NUDCD3: variants seen among roughly 807,000 people sequenced by gnomAD.
NUDCD3 encodes NudC domain containing 3.
Under a neutral mutation model 39.7 loss-of-function variants are expected in NUDCD3, and 13 were observed. The ratio of observed to expected loss-of-function variants is 0.33; its 90% CI spans 0.21 to 0.52. The LOEUF (loss-of-function observed/expected upper bound fraction) is 0.52. Among genes scored for constraint, NUDCD3 ranks in the 20% least tolerant of loss-of-function variants. The pLI is 0.96. For synonymous variants in NUDCD3, 175 were observed against 172.4 expected (o/e 1.02, Z -0.12); for missense variants, 453 against 458.1 (o/e 0.99, Z 0.10).
At chr7:44,488,295 A>C (rs1455632289) in intron 1 of NUDCD3, among the ~76,000 whole-genome samples, 1 of 149,820 alleles carries the variant, frequency 6.7e-6, no homozygotes, top group African/African-American at 2.5e-5. Context: ...AGATCATGCC[A>C]CTGCACTCCA....
At position 44,385,840 on chromosome 7, in the gene NUDCD3, G is replaced by T. The variant is rs1015024403; in HGVS notation, c.*171C>A. On this transcript the variant is annotated 3_prime_UTR_variant, in exon 6 of 6. Coordinates refer to ENST00000355451, the MANE Select transcript of NUDCD3 (RefSeq NM_015332.4). ...AGCAGCTGGCCCCGCACCTTCTCTG[G>T]AACAGTCTGGAGATGCAAGGTCAGG... is the stretch of plus-strand genomic sequence containing the variant. 3.4e-6 allele frequency: 2 copies of T among 595,908 alleles called. No homozygotes were observed. Among genetic ancestry groups the T allele is most frequent in the Admixed American group, 5.9e-5 (2 of 34,014 alleles). 36.9% of individuals were successfully genotyped at this position (595,908 alleles called of 1,614,324 possible).
At chr7:44,393,926 A>G (rs1218164941) in intron 4 of NUDCD3, among the ~76,000 whole-genome samples, 1 of 152,164 alleles carries the variant, frequency 6.6e-6, no homozygotes, top group Non-Finnish European at 1.5e-5. Flanking sequence ...TCACCAGTAT[A>G]CACGGGCTTG....
At chr7:44,445,991 C>T (rs1799683987) in intron 2 of NUDCD3, among the ~76,000 whole-genome samples, 1 of 152,366 alleles carries the variant, frequency 6.6e-6, no homozygotes, top group Non-Finnish European at 1.5e-5. Context: ...GGAAACAACA[C>T]TTCCATTGCA....
At chr7:44,483,502 AC>A (rs1408190583) in intron 2 of NUDCD3, among the ~76,000 whole-genome samples, 1 of 152,116 alleles carries the variant, frequency 6.6e-6, no homozygotes, top group Admixed American at 6.5e-5. Flanking sequence ...TCTGCCTTCC[AC>A]CCTATACTCC....
Position 44,490,635 on chromosome 7 carries a change from A to G in NUDCD3, c.-35T>C. On this transcript the variant is annotated 5_prime_UTR_variant, in exon 1 of 6. Coordinates refer to ENST00000355451, the MANE Select transcript of NUDCD3 (RefSeq NM_015332.4). ...CGCCCTAGGTACGCTTCACACACAC[A>G]GCGCCGCCTCAGACCTGCCGACTGG... is the stretch of plus-strand genomic sequence containing the variant. 1 of 1,560,474 alleles carries G rather than the reference A, an allele frequency of 6.4e-7. No homozygotes were observed. Among genetic ancestry groups the G allele is most frequent in the Non-Finnish European group, 8.7e-7 (1 of 1,154,324 alleles).
At chr7:44,447,981 G>A (rs1274448739) in intron 2 of NUDCD3, among the ~76,000 whole-genome samples, 3 of 152,138 alleles carry the variant, frequency 2.0e-5, no homozygotes, top group Non-Finnish European at 4.4e-5. Flanking sequence ...TACCCTAAGT[G>A]GCTGAGCCAA....
intron 3 of NUDCD3, among the ~76,000 whole-genome samples, chr7:44,405,140 T>C (rs898173213): frequency 6.6e-6 from 1 of 152,220 alleles, no homozygotes; most frequent in African/African-American, 2.4e-5. Context: ...GACCAACTCC[T>C]TTGGTTTTGG....
Position 44,379,255 on chromosome 7 carries a change from C to T in NUDCD3, c.*6756G>A, listed in dbSNP as rs950331476. Reference sequence around the variant, plus strand: ...ATCACTTGAGCCCAGAGGTTTGAGTCCAGTCTGGGCAACACAGGAAAAACT... The same window carrying T: ...ATCACTTGAGCCCAGAGGTTTGAGTTCAGTCTGGGCAACACAGGAAAAACT... On this transcript the variant is annotated 3_prime_UTR_variant, in exon 6 of 6. Coordinates refer to ENST00000355451, the MANE Select transcript of NUDCD3 (RefSeq NM_015332.4). The T allele has an allele frequency of 6.6e-6, 1 of 151,456 alleles. No homozygotes were observed. The highest frequency in any genetic ancestry group is 1.5e-5 in the Non-Finnish European group (1 of 67,930). The allele number at this position is 151,456 out of a possible 1,614,324, so 9.4% of individuals were successfully genotyped here.
intron 4 of NUDCD3, among the ~76,000 whole-genome samples, chr7:44,397,067 AC>A (rs934980675): frequency 6.6e-6 from 1 of 152,114 alleles, no homozygotes; most frequent in Non-Finnish European, 1.5e-5. Context: ...GCTACAATCA[AC>A]CCACATCCCA....
chr7:44,490,591 CT>C lies in NUDCD3; in HGVS notation c.9del (p.Ala5ArgfsTer112), dbSNP rs1800720809. 1.9e-6 allele frequency: 3 copies of C among 1,607,794 alleles called. No homozygotes were observed. Among genetic ancestry groups the C allele is most frequent in the Non-Finnish European group, 2.5e-6 (3 of 1,177,362 alleles). METGAAELYDQAL... is the reference protein window; with the variant it reads MEXGAAELYDQAL... The stretch of plus-strand genomic sequence containing the variant: ...GCCTGGTCATACAGCTCGGCCGCCC[CT>C]GTCTCCATGTCGCCTCCCGCCCTAG... On this transcript the variant is annotated frameshift_variant, in exon 1 of 6. Transcript: ENST00000355451. LOFTEE classifies it high-confidence loss of function.
chr7:44,473,437 A>G (rs926685514), intron 2 of NUDCD3, among the ~76,000 whole-genome samples: 1 of 152,186 alleles, frequency 6.6e-6, no homozygotes, highest in African/African-American at 2.4e-5. Flanking sequence ...TTGTGAGGAC[A>G]GTGAAAAACC....
At chr7:44,424,230 T>C (rs938996124) in intron 3 of NUDCD3, among the ~76,000 whole-genome samples, 1 of 152,156 alleles carries the variant, frequency 6.6e-6, no homozygotes, top group East Asian at 1.9e-4. Flanking sequence ...GGAACAGGCA[T>C]GGGCAAAGAC....
At position 44,403,068 on chromosome 7, in the gene NUDCD3, G is replaced by A. The variant is rs74698243; in HGVS notation, c.786+1372C>T. On this transcript the variant is annotated intron_variant, in intron 4 of 5. Coordinates refer to ENST00000355451, the MANE Select transcript of NUDCD3 (RefSeq NM_015332.4). ...CTTTATATGTCTGGGGTCAAAGGATGAGGAACTGAACTGCTGGGTGATGGG... is the reference window on the plus strand; with the variant it reads ...CTTTATATGTCTGGGGTCAAAGGATAAGGAACTGAACTGCTGGGTGATGGG... 2.9e-3 allele frequency: 473 copies of A among 161,522 alleles called. 5 individuals carry two copies. Among genetic ancestry groups the A allele is most frequent in the African/African-American group, 0.01 (436 of 41,780 alleles). 10.0% of individuals were successfully genotyped at this position (161,522 alleles called of 1,614,324 possible). A position where few individuals can be genotyped will look rare whatever the true frequency, so the allele number is the denominator to read the frequency against.
At chr7:44,426,883 C>T (rs1339907032) in intron 3 of NUDCD3, among the ~76,000 whole-genome samples, 1 of 151,994 alleles carries the variant, frequency 6.6e-6, no homozygotes, top group Non-Finnish European at 1.5e-5. Flanking sequence ...CCCTCCTGTG[C>T]AGCCATGTTG....
intron 2 of NUDCD3, among the ~76,000 whole-genome samples, chr7:44,433,720 C>G (rs998795896): frequency 1.3e-5 from 2 of 152,186 alleles, no homozygotes; most frequent in African/African-American, 4.8e-5. Context: ...ACTGACCTGG[C>G]ACATCCCACA....
chr7:44,386,074 G>A lies in NUDCD3; in HGVS notation c.1023C>T (p.Pro341=), dbSNP rs1798396521. ...CAGGGTCGAATCGCTGGCCTCGGAAGGGAGAACCTTCAGCATCCCACCCCT... is the reference window on the plus strand; with the variant it reads ...CAGGGTCGAATCGCTGGCCTCGGAAAGGAGAACCTTCAGCATCCCACCCCT... The part of the protein sequence containing the change: ...LKKGWDAEGS[P]FRGQRFDPAM... The change falls in exon 6 of 6, where the codon CCC becomes CCT. Residue 341 remains proline, a synonymous_variant. Transcript: ENST00000355451. The A allele has an allele frequency of 3.1e-6, 5 of 1,613,704 alleles. No individual in the cohort carries two copies. In the African/African-American group the frequency reaches 6.7e-5, roughly 22 times the overall value.
At chr7:44,437,077 T>C (rs1490736246) in intron 2 of NUDCD3, among the ~76,000 whole-genome samples, 6 of 147,676 alleles carry the variant, frequency 4.1e-5, no homozygotes. Context: ...TTCTTTTTTT[T>C]TTTTTTTTTT....
At chr7:44,447,252 G>A (rs1282437361) in intron 2 of NUDCD3, among the ~76,000 whole-genome samples, 2 of 152,202 alleles carry the variant, frequency 1.3e-5, no homozygotes, top group African/African-American at 4.8e-5. Flanking sequence ...GTCTCCAGAG[G>A]AAGACAATAA....
chr7:44,404,345 A>T, intron 4 of NUDCD3, 95 bp downstream of exon 4: 1 of 1,278,334 alleles, frequency 7.8e-7, no homozygotes, highest in Non-Finnish European at 1.1e-6. Flanking sequence ...TAACAACCTC[A>T]CTGCTTAAGT....
Sources: gnomAD v4.1 joint callset for allele counts (sites outside exome capture counted in the v4.1 genomes callset) on GRCh38, gnomAD v4.1.1 for gene constraint, MANE v1.5 for transcripts, NCBI Gene and HGNC (gene_info 2026-07-23, HGNC 2026-07-21) for gene names.